Variants in CERS1 observed in about 807,000 individuals in gnomAD.
CERS1 encodes the protein Embryonic growth/differentiation factor 1.
In CERS1, 16 loss-of-function variants were observed where a neutral mutation model predicts 35.7. That is an observed-to-expected ratio of 0.45 (90% CI 0.30 to 0.68). The LOEUF is 0.68. CERS1 is among the 30% of genes least tolerant of loss of function. The probability of loss-of-function intolerance (pLI) is 0.08; values close to 1 mark genes in which losing one functional copy is unlikely to be tolerated. For synonymous variants in CERS1, 243 were observed against 201.6 expected, an observed-to-expected ratio of 1.21 and a Z score of -1.74; for missense variants, 454 against 453.9, an observed-to-expected ratio of 1.00 and a Z score of 0.00.
chr19:18,875,807 T>C (rs1350345208), intron 6 of CERS1, among the ~76,000 whole-genome samples: 1 of 152,074 alleles, frequency 6.6e-6, no homozygotes, highest in Non-Finnish European at 1.5e-5. Context: ...GAGAAAGCCC[T>C]GGGAAGACGG....
intron 2 of CERS1, among the ~76,000 whole-genome samples, chr19:18,891,488 C>A (rs1418480512): frequency 6.6e-6 from 1 of 152,174 alleles, no homozygotes; most frequent in African/African-American, 2.4e-5. Context: ...ACACAGAGCG[C>A]GCTGCAGTCA....
At position 18,869,105 on chromosome 19, in the gene CERS1, G is replaced by A; in HGVS notation, c.*880C>T. 7 of 1,081,882 alleles carry A rather than the reference G, an allele frequency of 6.5e-6. No individual in the cohort carries two copies. Among genetic ancestry groups the A allele is most frequent in the Non-Finnish European group, 7.9e-6 (7 of 891,240 alleles). The allele number at this position is 1,081,882 out of a possible 1,614,324, so 67.0% of individuals were successfully genotyped here. A position where few individuals can be genotyped will look rare whatever the true frequency, so the allele number is the denominator to read the frequency against. Reference sequence around the variant, plus strand: ...GCTGCGCGGCCATGAGGCGTTGCGAGCCCAAGCGGCGCCCAGCAGCTCCGC... The same window carrying A: ...GCTGCGCGGCCATGAGGCGTTGCGAACCCAAGCGGCGCCCAGCAGCTCCGC... On this transcript the variant is annotated 3_prime_UTR_variant, in exon 8 of 8. Transcript: ENST00000623882.
intron 2 of CERS1, among the ~76,000 whole-genome samples, chr19:18,887,836 ACCAGCAGCCATCT>A (rs995411395): frequency 3.3e-5 from 5 of 151,924 alleles, no homozygotes; most frequent in African/African-American, 1.2e-4. Flanking sequence ...TGCAACCATC[ACCAGCAGCCATCT>A]CCAGAACATT....
rs1202717434 is a variant in CERS1, at chr19:18,870,479, G to A, written c.*98C>T. The A allele has an allele frequency of 3.2e-5, 21 of 659,322 alleles. No homozygotes were observed. Among genetic ancestry groups the A allele is most frequent in the Non-Finnish European group, 4.4e-5 (17 of 382,650 alleles). The allele number at this position is 659,322 out of a possible 1,614,324, so 40.8% of individuals were successfully genotyped here. On this transcript the variant is annotated 3_prime_UTR_variant, in exon 7 of 8. Transcript: ENST00000623882. This position sits in a 1 kb window ranked among gnomAD's most constrained non-coding sequence, Gnocchi z 5.1. ...CAGGGGAGGTGGCGGCGGCCCTAGAGGAGCAGAGTTGGAGGGGGTGGAGGG... is the reference window on the plus strand; with the variant it reads ...CAGGGGAGGTGGCGGCGGCCCTAGAAGAGCAGAGTTGGAGGGGGTGGAGGG...
rs2055946888 is a variant in CERS1, at chr19:18,870,390, C to T, written c.*187G>A. On this transcript the variant is annotated 3_prime_UTR_variant, in exon 7 of 8. Transcript: ENST00000623882. This position sits in a 1 kb window ranked among gnomAD's most constrained non-coding sequence, Gnocchi z 5.1. ...GGGCTGAGGGCGGGGCCGGTGTCCC[C>T]GGAGGGGCAGGGGTCCTGGGGGGCG... The T allele has an allele frequency of 2.2e-6, 3 of 1,377,278 alleles. No homozygotes were observed. The highest frequency in any genetic ancestry group is 9.7e-7 in the Non-Finnish European group (1 of 1,035,846). 85.3% of individuals were successfully genotyped at this position (1,377,278 alleles called of 1,614,324 possible). A position where few individuals can be genotyped will look rare whatever the true frequency, so the allele number is the denominator to read the frequency against.
chr19:18,868,928 G>C lies in CERS1; in HGVS notation c.*1057C>G, dbSNP rs1555702266. ...CCGCCGCGCGCGACAAGCGCCCCCG[G>C]GGCCGCCGCCCAACACGGGTTCGGC... On this transcript the variant is annotated 3_prime_UTR_variant, in exon 8 of 8. Transcript: ENST00000623882. The C allele has an allele frequency of 3.8e-6, 5 of 1,330,732 alleles. No individual in the cohort carries two copies. Among genetic ancestry groups the C allele is most frequent in the Middle Eastern group, 2.9e-4 (1 of 3,462 alleles). 82.4% of individuals were successfully genotyped at this position (1,330,732 alleles called of 1,614,324 possible).
rs1460091047 is a variant in CERS1 at position 18,870,755 on chromosome 19, T to TCCTCCTCGCCTTCACCCTGCC, written c.1011-157_1011-137dup. On this transcript the variant is annotated intron_variant, in intron 6 of 7. Transcript: ENST00000623882. The surrounding 1 kb of genome is among the most constrained non-coding windows in gnomAD (Gnocchi z 5.1). ...CAGGCCCGGGCCTCGCCTTGTGGCTTCCTCCTCGCCTTCACCCTGCCCCTC... is the reference window on the plus strand; with the variant it reads ...CAGGCCCGGGCCTCGCCTTGTGGCTTCCTCCTCGCCTTCACCCTGCCCCTCCTCGCCTTCACCCTGCCCCTC... 9.0e-6 allele frequency: 4 copies of TCCTCCTCGCCTTCACCCTGCC among 442,270 alleles called. No individual in the cohort carries two copies. The highest frequency in any genetic ancestry group is 8.2e-5 in the African/African-American group (4 of 48,720). The allele number at this position is 442,270 out of a possible 1,614,324, so 27.4% of individuals were successfully genotyped here.
chr19:18,889,348 C>T (rs2056438236), intron 2 of CERS1, among the ~76,000 whole-genome samples: 1 of 152,128 alleles, frequency 6.6e-6, no homozygotes, highest in Admixed American at 6.6e-5. Context: ...AGAGGCCCCC[C>T]AACCGTCCTG....
chr19:18,874,358 C>T (rs1234233222), intron 6 of CERS1, among the ~76,000 whole-genome samples: 1 of 152,172 alleles, frequency 6.6e-6, no homozygotes, highest in Non-Finnish European at 1.5e-5. Flanking sequence ...AGCTGGGGTG[C>T]AGTGGTGCAG....
intron 6 of CERS1, among the ~76,000 whole-genome samples, chr19:18,875,444 GA>G (rs770325393): frequency 6.2e-4 from 94 of 151,896 alleles, no homozygotes; most frequent in Non-Finnish European, 1.1e-3. Context: ...TCAGGAGGCT[GA>G]GGCAGGAGAA....
chr19:18,879,204 G>A, intron 5 of CERS1, 37 bp downstream of exon 5: 1 of 1,612,092 alleles, frequency 6.2e-7, no homozygotes, highest in Non-Finnish European at 8.5e-7. Flanking sequence ...GACGAGGACG[G>A]GACCGCCACT....
At chr19:18,896,697 G>A (rs977403672), upstream of CERS1, 2 of 152,380 alleles carry the variant, frequency 1.3e-5, no homozygotes, top group African/African-American at 2.4e-5. The surrounding 1 kb of genome is among the most constrained non-coding windows in gnomAD (Gnocchi z 5.9). Flanking sequence ...AAAAGGACAC[G>A]GCCCACGCCA....
chr19:18,892,711 C>T (rs2056522082), intron 2 of CERS1, among the ~76,000 whole-genome samples: 1 of 152,136 alleles, frequency 6.6e-6, no homozygotes, highest in African/African-American at 2.4e-5. Context: ...GTGAGTGCCT[C>T]CGGGCCTTTG....
In CERS1 at chr19:18,870,791, CCCTGCCCCTCCTTCAA is replaced by C; in HGVS notation, c.1011-188_1011-173del. Reference sequence around the variant, plus strand: ...TTCACCCTGCCCCTCCTTGCCTTCACCCTGCCCCTCCTTCAACCTGCCCCGTAGGCACGTATGTCCC... The same window carrying C: ...TTCACCCTGCCCCTCCTTGCCTTCACCCTGCCCCGTAGGCACGTATGTCCC... On this transcript the variant is annotated intron_variant, in intron 6 of 7. Transcript: ENST00000623882. The surrounding 1 kb of genome is among the most constrained non-coding windows in gnomAD (Gnocchi z 5.1). Among the ~76,000 whole-genome samples the C allele has an allele frequency of 6.6e-6, 1 of 152,226 alleles. No individual in the cohort carries two copies. Among genetic ancestry groups the C allele is most frequent in the Admixed American group, 6.5e-5 (1 of 15,294 alleles).
rs1402410209 is a variant in CERS1 at position 18,869,909 on chromosome 19, C to T, written c.*594+74G>A. On this transcript the variant is annotated intron_variant, in intron 7 of 7. Transcript: ENST00000623882. ...GACCCTCGGAGCTGCTCGGGCATCC[C>T]CGGGCCACTCTCGAGGCTCGCCCTG... is the stretch of plus-strand genomic sequence containing the variant. The T allele has an allele frequency of 2.1e-6, 3 of 1,451,738 alleles. No individual in the cohort carries two copies. In the East Asian group the frequency reaches 7.4e-5, roughly 36 times the overall value. The allele number at this position is 1,451,738 out of a possible 1,614,324, so 89.9% of individuals were successfully genotyped here. A position where few individuals can be genotyped will look rare whatever the true frequency, so the allele number is the denominator to read the frequency against.
At chr19:18,876,299 T>TTGA (rs1317787593) in intron 6 of CERS1, among the ~76,000 whole-genome samples, 1 of 151,576 alleles carries the variant, frequency 6.6e-6, no homozygotes, top group African/African-American at 2.4e-5. Flanking sequence ...AATGCCATTT[T>TTGA]TGATGGTCTC....
intron 6 of CERS1, among the ~76,000 whole-genome samples, chr19:18,872,713 A>AGTAGAGG (rs2055996234): frequency 5.0e-5 from 3 of 59,598 alleles, no homozygotes; most frequent in African/African-American, 2.0e-4. Flanking sequence ...ATGCGGTTTT[A>AGTAGAGG]CCATGTTGGC....
chr19:18,878,221 C>T lies in CERS1; in HGVS notation c.1010+709G>A, dbSNP rs1292666973. 9 of 985,698 alleles carry T rather than the reference C, an allele frequency of 9.1e-6. No individual in the cohort carries two copies. The highest frequency in any genetic ancestry group is 1.1e-4 in the East Asian group (1 of 8,812). 61.1% of individuals were successfully genotyped at this position (985,698 alleles called of 1,614,324 possible). On this transcript the variant is annotated intron_variant, in intron 6 of 7. Coordinates refer to ENST00000623882, the MANE Select transcript of CERS1 (RefSeq NM_021267.5). This position sits in a 1 kb window ranked among gnomAD's most constrained non-coding sequence, Gnocchi z 4.6. ...CCGGCTCCTGCTCAAACACTCCTCA[C>T]GTTGCCTATGAGACACTGCACACCC...
intron 6 of CERS1, among the ~76,000 whole-genome samples, chr19:18,874,421 G>A (rs1010594784): frequency 8.5e-5 from 13 of 152,102 alleles, no homozygotes; most frequent in East Asian, 3.8e-4. Flanking sequence ...CTCCAGCCTC[G>A]GCCTCCCAAA....
Sources: gnomAD v4.1 joint callset for allele counts (sites outside exome capture counted in the v4.1 genomes callset) on GRCh38, gnomAD v4.1.1 for gene constraint, Gnocchi (gnomAD v3.1) non-coding constraint, MANE v1.5 for transcripts, NCBI Gene and HGNC (gene_info 2026-07-23, HGNC 2026-07-21) for gene names.